PRKCH: variants seen among roughly 807,000 people sequenced by gnomAD.
The protein encoded by PRKCH is protein kinase C eta.
A neutral mutation model predicts 82.5 loss-of-function variants in PRKCH; 28 were observed. That is an observed-to-expected ratio of 0.34 (90% CI 0.25 to 0.47). The LOEUF is 0.47. PRKCH is among the 20% of genes least tolerant of loss of function. PRKCH has a pLI of 1.00. For missense variants in PRKCH, 705 were observed against 881.8 expected (o/e 0.80, Z 2.54); for synonymous variants, 322 against 327.4 (o/e 0.98, Z 0.18).
intron 9 of PRKCH, among the ~76,000 whole-genome samples, chr14:61,460,235 T>G (rs1050971824): frequency 6.6e-6 from 1 of 152,240 alleles, no homozygotes; most frequent in Non-Finnish European, 1.5e-5. Flanking sequence ...TTTTAATGGC[T>G]GCATAGTACT....
intron 9 of PRKCH, among the ~76,000 whole-genome samples, chr14:61,483,253 C>A (rs1296283544): frequency 1.3e-5 from 2 of 152,208 alleles, no homozygotes; most frequent in Non-Finnish European, 2.9e-5. Context: ...CTGTTGCTAA[C>A]CTGCTAATTC....
At chr14:61,302,819 C>T (rs1175798533) in intron 1 of PRKCH, among the ~76,000 whole-genome samples, 1 of 152,086 alleles carries the variant, frequency 6.6e-6, no homozygotes, top group Non-Finnish European at 1.5e-5. Flanking sequence ...GGTAACTAGT[C>T]CATGTGCACT....
intron 12 of PRKCH, among the ~76,000 whole-genome samples, chr14:61,532,096 A>G (rs1437465505): frequency 1.3e-5 from 2 of 152,246 alleles, no homozygotes; most frequent in South Asian, 2.1e-4. Context: ...AAAGCATGCC[A>G]GCCTTCTGTG....
At chr14:61,404,281 T>C (rs983206851) in intron 2 of PRKCH, among the ~76,000 whole-genome samples, 4 of 152,218 alleles carry the variant, frequency 2.6e-5, no homozygotes, top group Non-Finnish European at 5.9e-5. Context: ...AGGTTGCAGA[T>C]ACATTCTTTG....
chr14:61,322,007 C>T lies in PRKCH; in HGVS notation c.-95C>T. On this transcript the variant is annotated 5_prime_UTR_variant, in exon 1 of 14. Coordinates refer to ENST00000332981, the MANE Select transcript of PRKCH (RefSeq NM_006255.5). ...GCCTTTCCCCAGGGCTGCCTCGACT[C>T]CTGCACCTGTCCCGAGGGCTGGCCT... is the stretch of plus-strand genomic sequence containing the variant. 1 of 1,366,572 alleles carries T rather than the reference C, an allele frequency of 7.3e-7. No homozygotes were observed. Among genetic ancestry groups the T allele is most frequent in the South Asian group, 1.5e-5 (1 of 67,662 alleles). 84.7% of individuals were successfully genotyped at this position (1,366,572 alleles called of 1,614,324 possible).
chr14:61,264,934 G>C (rs2045084173), intron 1 of PRKCH, among the ~76,000 whole-genome samples: 1 of 152,158 alleles, frequency 6.6e-6, no homozygotes, highest in Non-Finnish European at 1.5e-5. Context: ...GATGGGGAAT[G>C]GTGTGTTGGG....
intron 1 of PRKCH, among the ~76,000 whole-genome samples, chr14:61,283,210 C>T (rs2045287101): frequency 6.6e-6 from 1 of 152,254 alleles, no homozygotes; most frequent in Non-Finnish European, 1.5e-5. Flanking sequence ...TAGATCACCA[C>T]CACACCCCTA....
chr14:61,373,319 G>T (rs1292794141), intron 1 of PRKCH, among the ~76,000 whole-genome samples: 1 of 151,774 alleles, frequency 6.6e-6, no homozygotes, highest in Non-Finnish European at 1.5e-5. Flanking sequence ...CAAGCAGCAT[G>T]ACGGAGCAGG....
chr14:61,223,157 A>G (rs555753980), intron 1 of PRKCH, among the ~76,000 whole-genome samples: 1 of 152,342 alleles, frequency 6.6e-6, no homozygotes, highest in East Asian at 1.9e-4. Flanking sequence ...CTTGGAGGAC[A>G]TTCAGTCTTT....
chr14:61,480,982 C>T (rs1251300400), intron 9 of PRKCH, among the ~76,000 whole-genome samples: 1 of 152,108 alleles, frequency 6.6e-6, no homozygotes, highest in African/African-American at 2.4e-5. Context: ...GAATTGACTC[C>T]TCTCAGAAGC....
At position 61,375,004 on chromosome 14, in the gene PRKCH, C is replaced by T. The variant is rs572456777; in HGVS notation, c.364-16221C>T. Reference sequence around the variant, plus strand: ...CTTTTAAATGTAAGTTCCAATTTCACACCATCCCTTTCTTCACTCATATGA... The same window carrying T: ...CTTTTAAATGTAAGTTCCAATTTCATACCATCCCTTTCTTCACTCATATGA... On this transcript the variant is annotated intron_variant, in intron 1 of 13. Coordinates refer to ENST00000332981, the MANE Select transcript of PRKCH (RefSeq NM_006255.5). 1.6e-4 allele frequency among the ~76,000 whole-genome samples: 25 copies of T among 152,208 alleles called. No individual in the cohort carries two copies. The South Asian group carries it at 5.0e-3, about 30-fold the overall frequency.
intron 1 of PRKCH, among the ~76,000 whole-genome samples, chr14:61,207,077 G>C (rs971335567): frequency 6.5e-5 from 8 of 122,254 alleles, no homozygotes; most frequent in African/African-American, 2.4e-4. Context: ...TTGCACTCCA[G>C]CCTGGGCAAC....
chr14:61,341,432 C>A (rs889230378), intron 1 of PRKCH, among the ~76,000 whole-genome samples: 1 of 152,192 alleles, frequency 6.6e-6, no homozygotes, highest in African/African-American at 2.4e-5. Context: ...ACAAAGACAT[C>A]CATAAACAGG....
intron 2 of PRKCH, among the ~76,000 whole-genome samples, chr14:61,436,099 G>A (rs947849937): frequency 1.3e-5 from 2 of 152,176 alleles, no homozygotes; most frequent in East Asian, 3.9e-4. Context: ...CATGGTTCTG[G>A]ATGGAACTTT....
At chr14:61,274,706 G>A (rs1316825868) in intron 1 of PRKCH, among the ~76,000 whole-genome samples, 1 of 152,198 alleles carries the variant, frequency 6.6e-6, no homozygotes, top group East Asian at 1.9e-4. Context: ...GGAAGGATGG[G>A]TTTGGAGAAG....
At chr14:61,292,771 C>CA (rs33918460) in intron 1 of PRKCH, among the ~76,000 whole-genome samples, 40,495 of 69,512 alleles carry the variant, frequency 0.58, 12,950 homozygotes, top group Non-Finnish European at 0.69. Context: ...ACTCCATCTC[C>CA]AAAAAAAAAA....
intron 1 of PRKCH, among the ~76,000 whole-genome samples, chr14:61,378,759 C>T (rs1432703594): frequency 1.3e-5 from 2 of 152,168 alleles, no homozygotes; most frequent in Non-Finnish European, 2.9e-5. Flanking sequence ...GACTCCTTCT[C>T]TTTCACCTCC....
intron 1 of PRKCH, among the ~76,000 whole-genome samples, chr14:61,302,159 T>C (rs542208730): frequency 7.4e-4 from 113 of 152,364 alleles, no homozygotes; most frequent in African/African-American, 2.3e-3. Flanking sequence ...TGGCATAATG[T>C]TATGCACAAT....
At chr14:61,337,533 G>C (rs940421874) in intron 1 of PRKCH, among the ~76,000 whole-genome samples, 9 of 152,150 alleles carry the variant, frequency 5.9e-5, no homozygotes, top group African/African-American at 2.2e-4. Context: ...TGATCCTCTT[G>C]CCTCAGCCAC....
Sources: gnomAD v4.1 joint callset for allele counts (sites outside exome capture counted in the v4.1 genomes callset) on GRCh38, gnomAD v4.1.1 for gene constraint, MANE v1.5 for transcripts, NCBI Gene and HGNC (gene_info 2026-07-23, HGNC 2026-07-21) for gene names.